The following MARCO variants were observed in gnomAD, a reference collection of about 807,000 sequenced individuals.
MARCO encodes macrophage receptor MARCO.
MARCO carries 72 observed loss-of-function variants against 70.0 expected under a neutral mutation model. The ratio of observed to expected loss-of-function variants is 1.03; its 90% confidence interval spans 0.85 to 1.25. The LOEUF is 1.25. MARCO is among the 50% of genes most tolerant of loss of function. MARCO has a pLI of 0.00. For missense variants in MARCO, 696 were observed against 659.3 expected, an observed-to-expected ratio of 1.06 and a Z score of -0.61; for synonymous variants, 273 against 243.1, an observed-to-expected ratio of 1.12 and a Z score of -1.14.
At chr2:118,968,170 G>T (rs529710300) in intron 1 of MARCO, among the ~76,000 whole-genome samples, 40 of 152,350 alleles carry the variant, frequency 2.6e-4, no homozygotes, top group African/African-American at 9.4e-4. Flanking sequence ...GCCTTCTGCA[G>T]TCTGGGGCCC....
intron 4 of MARCO, among the ~76,000 whole-genome samples, chr2:118,971,768 C>A (rs530859135): frequency 6.6e-6 from 1 of 152,240 alleles, no homozygotes; most frequent in Non-Finnish European, 1.5e-5. Context: ...TCTCTCCACT[C>A]CCCCATCCAA....
chr2:118,977,106 G>T (rs1037285271), intron 6 of MARCO, among the ~76,000 whole-genome samples: 5 of 152,152 alleles, frequency 3.3e-5, no homozygotes, highest in Non-Finnish European at 7.4e-5. Flanking sequence ...TGCCAGATGG[G>T]ATTAATCTCT....
At position 118,980,105 on chromosome 2, in the gene MARCO, A is replaced by G. The variant is rs111960440; in HGVS notation, c.767-1304A>G. 1.5e-3 allele frequency among the ~76,000 whole-genome samples: 231 copies of G among 152,344 alleles called. 3 individuals carry two copies. The highest frequency in any genetic ancestry group is 4.9e-3 in the African/African-American group (203 of 41,586). On this transcript the variant is annotated intron_variant, in intron 8 of 16. Transcript: ENST00000327097. ...GTCCAGACCATTCTGAAGAAACTTC[A>G]TGTGGCCCAGCAATGCTGTAACTTG...
At chr2:118,957,210 A>C (rs1267501531) in intron 1 of MARCO, among the ~76,000 whole-genome samples, 1 of 152,126 alleles carries the variant, frequency 6.6e-6, no homozygotes, top group Non-Finnish European at 1.5e-5. Context: ...TGGTTCTTTA[A>C]AATATAAACA....
At chr2:118,961,545 T>C (rs1040095882) in intron 1 of MARCO, among the ~76,000 whole-genome samples, 1 of 152,094 alleles carries the variant, frequency 6.6e-6, no homozygotes, top group Non-Finnish European at 1.5e-5. Flanking sequence ...TCATGTCCCT[T>C]ATTCACTTTT....
chr2:118,960,945 T>C (rs1471851925), intron 1 of MARCO, among the ~76,000 whole-genome samples: 1 of 152,128 alleles, frequency 6.6e-6, no homozygotes, highest in Admixed American at 6.5e-5. Flanking sequence ...TGTGTCCACG[T>C]GTTCTCATTG....
intron 1 of MARCO, among the ~76,000 whole-genome samples, chr2:118,948,275 T>C (rs1222139689): frequency 1.3e-5 from 2 of 152,224 alleles, no homozygotes; most frequent in Admixed American, 1.3e-4. Flanking sequence ...ACACATTTGG[T>C]TCATCCTTAC....
intron 1 of MARCO, among the ~76,000 whole-genome samples, chr2:118,968,613 C>T (rs908990875): frequency 6.6e-6 from 1 of 152,078 alleles, no homozygotes; most frequent in African/African-American, 2.4e-5. Context: ...TTGTCATGCC[C>T]TGTACATTAT....
intron 12 of MARCO, among the ~76,000 whole-genome samples, chr2:118,983,331 A>G (rs1680429479): frequency 1.3e-5 from 2 of 152,144 alleles, no homozygotes; most frequent in African/African-American, 4.8e-5. Context: ...AGAGACCTAC[A>G]CTGGGACCTG....
chr2:118,975,091 A>C (rs551469445), intron 6 of MARCO, among the ~76,000 whole-genome samples: 14 of 152,266 alleles, frequency 9.2e-5, no homozygotes, highest in African/African-American at 3.4e-4. Context: ...GGAAAGTATT[A>C]GTTTCCATTT....
intron 1 of MARCO, among the ~76,000 whole-genome samples, chr2:118,960,656 C>T (rs987306703): frequency 2.0e-5 from 3 of 151,772 alleles, no homozygotes; most frequent in Admixed American, 6.6e-5. Context: ...ATAAATCCCA[C>T]TTTGTTGTGG....
chr2:118,946,184 A>G (rs1679594815), intron 1 of MARCO, among the ~76,000 whole-genome samples: 2 of 152,178 alleles, frequency 1.3e-5, no homozygotes, highest in Admixed American at 6.5e-5. Context: ...AACATCTTAC[A>G]CTGCATTAAT....
At chr2:118,988,429 C>T (rs896295603) in intron 12 of MARCO, among the ~76,000 whole-genome samples, 2 of 151,996 alleles carry the variant, frequency 1.3e-5, no homozygotes, top group Non-Finnish European at 2.9e-5. Flanking sequence ...TATGTCAAGA[C>T]TGGTGGGGAG....
chr2:118,990,533 T>C, intron 12 of MARCO, 56 bp from the exon 13 acceptor site: 9 of 1,554,312 alleles, frequency 5.8e-6, no homozygotes, highest in Non-Finnish European at 8.0e-6. Flanking sequence ...ATTAAAAATG[T>C]CTAATACCTA....
At chr2:118,982,541 G>A in intron 12 of MARCO, 131 bp downstream of exon 12, 1 of 865,700 alleles carries the variant, frequency 1.2e-6, no homozygotes, top group Non-Finnish European at 1.9e-6. Flanking sequence ...GAGGTTCCTG[G>A]TTATGGGGGC....
At chr2:118,980,217 C>G (rs1680363096) in intron 8 of MARCO, among the ~76,000 whole-genome samples, 1 of 152,230 alleles carries the variant, frequency 6.6e-6, no homozygotes, top group Non-Finnish European at 1.5e-5. Flanking sequence ...CCGTTGGCCC[C>G]TTCTCCAGGG....
chr2:118,952,274 A>G lies in MARCO; in HGVS notation c.97+9877A>G, dbSNP rs187729992. 6.6e-5 allele frequency among the ~76,000 whole-genome samples: 10 copies of G among 152,156 alleles called. No homozygotes were observed. In the East Asian group the frequency reaches 1.9e-3, roughly 29 times the overall value. Reference sequence around the variant, plus strand: ...GGTGTCTTGCCTTGCCTGCCCTGGGAGGTTGACCTGGTTTCTCCCTTCCCC... The same window carrying G: ...GGTGTCTTGCCTTGCCTGCCCTGGGGGGTTGACCTGGTTTCTCCCTTCCCC... On this transcript the variant is annotated intron_variant, in intron 1 of 16. Coordinates refer to ENST00000327097, the MANE Select transcript of MARCO (RefSeq NM_006770.4).
chr2:118,982,496 G>A (rs954131405), intron 12 of MARCO, 86 bp downstream of exon 12: 36 of 1,295,716 alleles, frequency 2.8e-5, no homozygotes, highest in South Asian at 1.9e-4. Context: ...TTAGGCCCAC[G>A]GAGGAGGCAG....
In MARCO at chr2:118,942,329, A is replaced by G. The variant is rs774282961; in HGVS notation, c.29A>G (p.Asp10Gly). ...AGAAATAAGAAAATTCTCAAGGAGGACGAGCTCTTGAGTGAGACCCAACAA... is the reference window on the plus strand; with the variant it reads ...AGAAATAAGAAAATTCTCAAGGAGGGCGAGCTCTTGAGTGAGACCCAACAA... MRNKKILKEDELLSETQQAA... is the reference protein window; with the variant it reads MRNKKILKEGELLSETQQAA... The change falls in exon 1 of 17, where the codon GAC (aspartate) becomes GGC (glycine). Residue 10 changes from aspartate (D) to glycine (G), a missense_variant. Asp to Gly is a moderately conservative substitution (Grantham distance 94, BLOSUM62 -1). This residue lies in a region of MARCO where 605 missense variants were observed against 537.6 expected (regional missense o/e 1.13). Transcript: ENST00000327097. 53 of 1,613,648 alleles carry G rather than the reference A, an allele frequency of 3.3e-5. No individual in the cohort carries two copies. The highest frequency in any genetic ancestry group is 4.0e-5 in the Non-Finnish European group (47 of 1,179,750).
Sources: allele counts gnomAD v4.1 joint callset (sites outside exome capture counted in the v4.1 genomes callset), GRCh38; gene constraint gnomAD v4.1.1; regional missense constraint gnomAD v4.1.1; transcripts MANE v1.5; gene names NCBI Gene and HGNC (gene_info 2026-07-23, HGNC 2026-07-21).